The following ADCY5 variants were observed in gnomAD, a reference collection of about 807,000 sequenced individuals.
The protein encoded by ADCY5 is adenylate cyclase 5.
A neutral mutation model predicts 119.7 loss-of-function variants in ADCY5; 30 were observed. The observed-to-expected ratio is 0.25, with a 90% CI of 0.19 to 0.34. ADCY5 has a LOEUF of 0.34. Among genes scored for constraint, ADCY5 ranks in the 10% least tolerant of loss-of-function variants. The pLI is 1.00. For synonymous variants in ADCY5, 753 were observed against 762.2 expected (o/e 0.99, Z 0.20); for missense variants, 1,324 against 1,775.2 (o/e 0.75, Z 4.57).
intron 1 of ADCY5, among the ~76,000 whole-genome samples, chr3:123,400,922 C>A (rs527703637): frequency 2.0e-5 from 3 of 150,082 alleles, no homozygotes; most frequent in Non-Finnish European, 4.4e-5. Context: ...CCAGCCTGGA[C>A]AAGAACAAAA....
At chr3:123,303,623 C>G (rs998461187) in intron 13 of ADCY5, among the ~76,000 whole-genome samples, 1 of 152,014 alleles carries the variant, frequency 6.6e-6, no homozygotes, top group Non-Finnish European at 1.5e-5. Flanking sequence ...ACCAGCCTGG[C>G]GACCAGCCTG....
Position 123,312,219 on chromosome 3 carries a change from G to A in ADCY5, c.2442+2016C>T, listed in dbSNP as rs139300356. Among the ~76,000 whole-genome samples, 531 of 152,270 alleles carry A rather than the reference G, an allele frequency of 3.5e-3. 2 individuals carry two copies. Among genetic ancestry groups the A allele is most frequent in the African/African-American group, 0.012 (498 of 41,548 alleles). On this transcript the variant is annotated intron_variant, in intron 12 of 20. Transcript: ENST00000462833. ...AGGCTTAAAAAATGGCAGACTATGCGCAGCTTTGATTCTGATTTGAATGGG... is the reference window on the plus strand; with the variant it reads ...AGGCTTAAAAAATGGCAGACTATGCACAGCTTTGATTCTGATTTGAATGGG...
At chr3:123,314,804 T>A (rs1436692878) in intron 11 of ADCY5, among the ~76,000 whole-genome samples, 1 of 151,750 alleles carries the variant, frequency 6.6e-6, no homozygotes, top group African/African-American at 2.4e-5. Context: ...GAAATGCCTA[T>A]GTCAGCAGCA....
Position 123,286,593 on chromosome 3 carries a change from T to C in ADCY5, c.3657+92A>G, listed in dbSNP as rs1198674566. The C allele has an allele frequency of 2.7e-6, 4 of 1,473,300 alleles. No homozygotes were observed. Among genetic ancestry groups the C allele is most frequent in the Non-Finnish European group, 3.6e-6 (4 of 1,108,464 alleles). The allele number at this position is 1,473,300 out of a possible 1,614,324, so 91.3% of individuals were successfully genotyped here. ...TGAATCTGGCTGCAGACATTCTGAC[T>C]GGGAACTGTAGGTGGCCTGCCCTGA... On this transcript the variant is annotated intron_variant, in intron 20 of 20. Transcript: ENST00000462833. This position sits in a 1 kb window ranked among gnomAD's most constrained non-coding sequence, Gnocchi z 4.2.
At chr3:123,416,112 G>A in intron 1 of ADCY5, 2 of 1,511,552 alleles carry the variant, frequency 1.3e-6, no homozygotes, top group Non-Finnish European at 8.9e-7. Flanking sequence ...GAAGGTGGAA[G>A]GGCAAAGGAG....
chr3:123,447,965 CCCGAGT>C lies in ADCY5; in HGVS notation c.575_580del (p.Asp192_Ser193del). ...CACCGCGCCGGGCCCCGCGCCCGAG[CCCGAGT>C]CCGCCGAGCTGCCGCCATCCCCGGA... On this transcript the variant is annotated inframe_deletion, in exon 1 of 21. Transcript: ENST00000462833. 6.1e-6 allele frequency: 9 copies of C among 1,465,296 alleles called. No individual in the cohort carries two copies. The highest frequency in any genetic ancestry group is 1.4e-5 in the South Asian group (1 of 71,004). The allele number at this position is 1,465,296 out of a possible 1,614,324, so 90.8% of individuals were successfully genotyped here.
intron 1 of ADCY5, among the ~76,000 whole-genome samples, chr3:123,377,437 C>G (rs901164982): frequency 2.6e-5 from 4 of 152,180 alleles, no homozygotes; most frequent in African/African-American, 9.7e-5. Flanking sequence ...AGCCAATATT[C>G]AATTCCTCTG....
rs527943548 is a variant in ADCY5, at chr3:123,302,316, G to A, written c.2724+739C>T. ...TATGCTGTTTTCTGAATAAGGATAC[G>A]TGGTATTATTTTTAAACCCAAATGC... On this transcript the variant is annotated intron_variant, in intron 14 of 20. Coordinates refer to ENST00000462833, the MANE Select transcript of ADCY5 (RefSeq NM_183357.3). 2.0e-5 allele frequency among the ~76,000 whole-genome samples: 3 copies of A among 152,310 alleles called. No homozygotes were observed. In the South Asian group the frequency reaches 6.2e-4, roughly 32 times the overall value.
At chr3:123,360,809 G>C (rs1943222089) in intron 1 of ADCY5, among the ~76,000 whole-genome samples, 1 of 152,148 alleles carries the variant, frequency 6.6e-6, no homozygotes. Context: ...GAATGATTGG[G>C]TACAGCAATA....
chr3:123,351,153 G>C (rs980592799), intron 2 of ADCY5, among the ~76,000 whole-genome samples: 2 of 152,164 alleles, frequency 1.3e-5, no homozygotes, highest in Non-Finnish European at 1.5e-5. Flanking sequence ...CGACCACCGA[G>C]GCAGCGCTGG....
intron 3 of ADCY5, among the ~76,000 whole-genome samples, chr3:123,342,622 G>C (rs1576598587): frequency 1.3e-5 from 2 of 152,278 alleles, no homozygotes; most frequent in East Asian, 1.9e-4. Flanking sequence ...CTTAGGCAAA[G>C]GACCAGCACC....
At chr3:123,298,665 T>A (rs2087330526) in intron 15 of ADCY5, among the ~76,000 whole-genome samples, 1 of 152,142 alleles carries the variant, frequency 6.6e-6, no homozygotes, top group African/African-American at 2.4e-5. Context: ...TTTCTATTTA[T>A]CCACATTGTA....
intron 1 of ADCY5, among the ~76,000 whole-genome samples, chr3:123,402,588 C>T (rs1250246643): frequency 1.3e-5 from 2 of 150,070 alleles, no homozygotes; most frequent in East Asian, 2.0e-4. Flanking sequence ...TGGTGGCTCA[C>T]GCCTGTAATC....
At chr3:123,428,408 G>A (rs1945455316) in intron 1 of ADCY5, among the ~76,000 whole-genome samples, 3 of 152,160 alleles carry the variant, frequency 2.0e-5, no homozygotes, top group Non-Finnish European at 4.4e-5. Context: ...GTTGACATAG[G>A]TTCTGCTACC....
intron 1 of ADCY5, among the ~76,000 whole-genome samples, chr3:123,396,819 C>CGAGAGAGAGAGAGAGAGAGAGA (rs146072347): frequency 1.1e-4 from 7 of 62,352 alleles, no homozygotes; most frequent in African/African-American, 2.3e-4. Context: ...GGCAGGCAGG[C>CGAGAGAGAGAGAGAGAGAGAGA]GAGAGAGAGA....
intron 1 of ADCY5, among the ~76,000 whole-genome samples, chr3:123,421,900 T>C (rs983963269): frequency 6.6e-6 from 1 of 152,178 alleles, no homozygotes; most frequent in African/African-American, 2.4e-5. Context: ...CCATCCCTGG[T>C]GTGCTAACCA....
chr3:123,328,892 G>T, intron 5 of ADCY5, 90 bp from the exon 6 acceptor site: 1 of 1,347,166 alleles, frequency 7.4e-7, no homozygotes, highest in Non-Finnish European at 1.0e-6. Context: ...GAAGGTGAAG[G>T]TGCGGGGGTC....
intron 3 of ADCY5, among the ~76,000 whole-genome samples, chr3:123,339,836 A>G (rs1942193366): frequency 6.6e-6 from 1 of 152,010 alleles, no homozygotes; most frequent in African/African-American, 2.4e-5. Context: ...GATTTAGGGA[A>G]ATGCTTCCTG....
In ADCY5 at chr3:123,289,799, C is replaced by T. The variant is rs531589693; in HGVS notation, c.3483G>A (p.Gln1161=). The T allele has an allele frequency of 4.3e-6, 7 of 1,614,238 alleles. No homozygotes were observed. In the South Asian group the frequency reaches 7.7e-5, roughly 18 times the overall value. Residue 1161 remains glutamine, a synonymous_variant, in exon 19 of 21, where the codon CAG becomes CAA. Coordinates refer to ENST00000462833, the MANE Select transcript of ADCY5 (RefSeq NM_183357.3). ...AGGAGTGCTCATTGATGTACTTCATCTGGTCCATCAGCTTCATGGCAAAGT... is the reference window on the plus strand; with the variant it reads ...AGGAGTGCTCATTGATGTACTTCATTTGGTCCATCAGCTTCATGGCAAAGT... ...LADFAMKLMD[Q]MKYINEHSFN...
Sources: allele counts gnomAD v4.1 joint callset (sites outside exome capture counted in the v4.1 genomes callset), GRCh38; gene constraint gnomAD v4.1.1; non-coding constraint Gnocchi (gnomAD v3.1); transcripts MANE v1.5; gene names NCBI Gene and HGNC (gene_info 2026-07-23, HGNC 2026-07-21).